NIBAN1: variants seen among roughly 807,000 people sequenced by gnomAD.
The protein encoded by NIBAN1 is niban apoptosis regulator 1, also known as protein Niban 1.
Under a neutral mutation model 75.1 loss-of-function variants are expected in NIBAN1, and 81 were observed. That is an observed-to-expected ratio of 1.08 (90% CI 0.90 to 1.30). NIBAN1 has a LOEUF of 1.30. NIBAN1 is among the 50% of genes most tolerant of loss of function. The probability of loss-of-function intolerance (pLI) is 0.00; values close to 1 mark genes in which losing one functional copy is unlikely to be tolerated. For synonymous variants in NIBAN1, 436 were observed against 424.8 expected (o/e 1.03, Z -0.32); for missense variants, 1,133 against 1,128.1 (o/e 1.00, Z -0.06).
At chr1:184,909,271 G>A (rs1657179766) in intron 1 of NIBAN1, among the ~76,000 whole-genome samples, 1 of 152,160 alleles carries the variant, frequency 6.6e-6, no homozygotes, top group Admixed American at 6.5e-5. Context: ...GTTCTATGGT[G>A]TCTCCTCTAG....
At chr1:184,893,227 A>G (rs753922501) in intron 3 of NIBAN1, among the ~76,000 whole-genome samples, 39 of 152,150 alleles carry the variant, frequency 2.6e-4, no homozygotes, top group Non-Finnish European at 4.6e-4. Flanking sequence ...GGATAGTGGG[A>G]TCATTTGACC....
intron 5 of NIBAN1, among the ~76,000 whole-genome samples, chr1:184,866,453 T>C (rs1158288162): frequency 1.3e-5 from 2 of 152,196 alleles, no homozygotes; most frequent in East Asian, 3.9e-4. Flanking sequence ...CTAGGATGTG[T>C]TCTTTGGAGG....
intron 1 of NIBAN1, among the ~76,000 whole-genome samples, chr1:184,936,480 A>G (rs1323620452): frequency 6.6e-6 from 1 of 152,210 alleles, no homozygotes; most frequent in Non-Finnish European, 1.5e-5. Context: ...TCATTGCTTA[A>G]AAAGAACAGA....
intron 5 of NIBAN1, among the ~76,000 whole-genome samples, chr1:184,842,048 C>T (rs577737290): frequency 3.3e-5 from 5 of 152,154 alleles, no homozygotes; most frequent in Non-Finnish European, 4.4e-5. Context: ...AAGGAGGGAA[C>T]GTGGGAGGAG....
chr1:184,806,456 G>A (rs1360820909), intron 10 of NIBAN1, among the ~76,000 whole-genome samples: 2 of 152,180 alleles, frequency 1.3e-5, no homozygotes, highest in Non-Finnish European at 2.9e-5. Flanking sequence ...TGCAGGGCTG[G>A]GAAGAGAGGC....
At chr1:184,876,000 G>A (rs234649) in intron 5 of NIBAN1, among the ~76,000 whole-genome samples, 14 of 151,770 alleles carry the variant, frequency 9.2e-5, no homozygotes, top group Admixed American at 7.2e-4. Flanking sequence ...ATGGAGAAAC[G>A]TTGTCTCTGC....
rs552096141 is a variant in NIBAN1 at position 184,836,160 on chromosome 1, A to T, written c.602-4198T>A. On this transcript the variant is annotated intron_variant, in intron 5 of 13. Transcript: ENST00000367511. Reference sequence around the variant, plus strand: ...CAATACCATTGGCAGCGTTCTCTCCACAAGGGGATTGTGATATGGGGCTTA... The same window carrying T: ...CAATACCATTGGCAGCGTTCTCTCCTCAAGGGGATTGTGATATGGGGCTTA... Among the ~76,000 whole-genome samples the T allele has an allele frequency of 5.4e-4, 82 of 152,306 alleles. 1 individual carries two copies. Among genetic ancestry groups the T allele is most frequent in the African/African-American group, 1.9e-3 (78 of 41,572 alleles).
rs183559802 is a variant in NIBAN1, at chr1:184,817,484, C to T, written c.1173+1154G>A. On this transcript the variant is annotated intron_variant, in intron 9 of 13. Coordinates refer to ENST00000367511, the MANE Select transcript of NIBAN1 (RefSeq NM_052966.4). ...CAATGGTTGAACAAGTTTACACTCC[C>T]GCCGACAGTGTAAAAGCATTCCTAT... is the stretch of plus-strand genomic sequence containing the variant. Among the ~76,000 whole-genome samples, 113 of 151,736 alleles carry T rather than the reference C, an allele frequency of 7.4e-4. 1 individual carries two copies. The highest frequency in any genetic ancestry group is 2.6e-3 in the African/African-American group (105 of 41,004).
chr1:184,970,792 T>C (rs920063360), intron 1 of NIBAN1, among the ~76,000 whole-genome samples: 1 of 152,194 alleles, frequency 6.6e-6, no homozygotes, highest in African/African-American at 2.4e-5. Context: ...GTCCAGTACT[T>C]TTCTGACCCT....
intron 6 of NIBAN1, among the ~76,000 whole-genome samples, chr1:184,825,585 T>TA (rs1654821705): frequency 6.6e-6 from 1 of 152,354 alleles, no homozygotes; most frequent in African/African-American, 2.4e-5. Flanking sequence ...CAAGTGTTTT[T>TA]AAAAAATGTG....
intron 1 of NIBAN1, among the ~76,000 whole-genome samples, chr1:184,915,463 A>C (rs1657360962): frequency 6.6e-6 from 1 of 152,220 alleles, no homozygotes; most frequent in Admixed American, 6.5e-5. Flanking sequence ...TACCAACTTC[A>C]AAGCCCTCTA....
intron 12 of NIBAN1, among the ~76,000 whole-genome samples, chr1:184,802,394 GA>G (rs10710268): frequency 0.086 from 12,906 of 149,824 alleles, 1,750 homozygotes; most frequent in African/African-American, 0.29. Context: ...CTTTGTGATT[GA>G]AAAAAAAAAT....
chr1:184,857,653 TA>T (rs1655713666), intron 5 of NIBAN1, among the ~76,000 whole-genome samples: 1 of 152,164 alleles, frequency 6.6e-6, no homozygotes, highest in Admixed American at 6.5e-5. Flanking sequence ...GCAATCAAAT[TA>T]AAATTGCATT....
intron 11 of NIBAN1, among the ~76,000 whole-genome samples, chr1:184,805,473 G>A (rs1259235973): frequency 6.6e-6 from 1 of 152,198 alleles, no homozygotes; most frequent in East Asian, 1.9e-4. Flanking sequence ...TAAACACTCT[G>A]AAGTACATTT....
At chr1:184,942,787 G>A (rs530135718) in intron 1 of NIBAN1, among the ~76,000 whole-genome samples, 2 of 151,944 alleles carry the variant, frequency 1.3e-5, no homozygotes, top group East Asian at 3.9e-4. Flanking sequence ...CTGAGGCAAT[G>A]GCTGGTAGGA....
At chr1:184,853,747 A>T (rs1655604283) in intron 5 of NIBAN1, among the ~76,000 whole-genome samples, 1 of 152,064 alleles carries the variant, frequency 6.6e-6, no homozygotes, top group Non-Finnish European at 1.5e-5. Flanking sequence ...ACACATATAC[A>T]CATGTGCATA....
At chr1:184,882,239 T>A (rs1394345683) in intron 5 of NIBAN1, among the ~76,000 whole-genome samples, 2 of 152,340 alleles carry the variant, frequency 1.3e-5, no homozygotes, top group African/African-American at 4.8e-5. Context: ...AAAAAGTGGT[T>A]AAGTGGCAGC....
At position 184,795,660 on chromosome 1, in the gene NIBAN1, G is replaced by C; in HGVS notation, c.2104C>G (p.Pro702Ala). The part of the protein sequence containing the change: ...DEEPAQEEPE[P>A]ITASGSLKAL... Reference sequence around the variant, plus strand: ...TTCAAAGAACCCGAGGCAGTGATGGGTTCTGGCTCTTCCTGGGCGGGTTCT... The same window carrying C: ...TTCAAAGAACCCGAGGCAGTGATGGCTTCTGGCTCTTCCTGGGCGGGTTCT... Residue 702 changes from proline (P) to alanine (A), a missense_variant, in exon 14 of 14, where the codon CCC becomes GCC. Coordinates refer to ENST00000367511, the MANE Select transcript of NIBAN1 (RefSeq NM_052966.4). 2 of 1,614,170 alleles carry C rather than the reference G, an allele frequency of 1.2e-6. No homozygotes were observed. Among genetic ancestry groups the C allele is most frequent in the Non-Finnish European group, 1.7e-6 (2 of 1,180,040 alleles).
chr1:184,957,456 C>T (rs534405871), intron 1 of NIBAN1, among the ~76,000 whole-genome samples: 167 of 152,248 alleles, frequency 1.1e-3, no homozygotes, highest in African/African-American at 3.8e-3. Flanking sequence ...CATTATAATG[C>T]CATTGCTTCT....
Sources: gnomAD v4.1 joint callset for allele counts (sites outside exome capture counted in the v4.1 genomes callset) on GRCh38, gnomAD v4.1.1 for gene constraint, MANE v1.5 for transcripts, NCBI Gene and HGNC (gene_info 2026-07-23, HGNC 2026-07-21) for gene names.